Variants in TAFA1 observed in about 807,000 individuals in gnomAD.
TAFA1 encodes chemokine-like protein TAFA-1.
Under a neutral mutation model 18.5 loss-of-function variants are expected in TAFA1, and 4 were observed. The observed-to-expected ratio is 0.22, with a 90% CI of 0.11 to 0.49. The LOEUF (loss-of-function observed/expected upper bound fraction) is 0.49, where lower values mean the gene tolerates loss of function less well. Ranked by LOEUF, TAFA1 falls within the 20% of genes least tolerant of loss-of-function variation. The probability of loss-of-function intolerance (pLI) is 0.98; values close to 1 mark genes in which losing one functional copy is unlikely to be tolerated. For synonymous variants in TAFA1, 56 were observed against 55.2 expected (o/e 1.01, Z -0.06); for missense variants, 147 against 169.0 (o/e 0.87, Z 0.72).
chr3:68,124,172 T>C (rs996075166), intron 2 of TAFA1, among the ~76,000 whole-genome samples: 1 of 152,224 alleles, frequency 6.6e-6, no homozygotes, highest in Non-Finnish European at 1.5e-5. Flanking sequence ...AATGAAAGTT[T>C]TAAATGTGCT....
At chr3:68,033,663 G>C (rs191886729) in intron 2 of TAFA1, among the ~76,000 whole-genome samples, 106 of 152,270 alleles carry the variant, frequency 7.0e-4, no homozygotes, top group Non-Finnish European at 1.9e-4. Flanking sequence ...TTAAGGAATG[G>C]ATGGAATGAA....
At chr3:68,187,649 T>A (rs761524849) in intron 2 of TAFA1, among the ~76,000 whole-genome samples, 2 of 152,026 alleles carry the variant, frequency 1.3e-5, no homozygotes, top group African/African-American at 4.8e-5. Flanking sequence ...TGGGAGCATG[T>A]GTCATGCATT....
At chr3:68,427,877 TC>T (rs2071088040) in intron 3 of TAFA1, among the ~76,000 whole-genome samples, 1 of 151,892 alleles carries the variant, frequency 6.6e-6, no homozygotes, top group Non-Finnish European at 1.5e-5. Context: ...AAAGGGCAAT[TC>T]CCCTGCATAT....
At chr3:68,459,351 G>A (rs2071730389) in intron 3 of TAFA1, among the ~76,000 whole-genome samples, 2 of 152,136 alleles carry the variant, frequency 1.3e-5, no homozygotes, top group Non-Finnish European at 2.9e-5. Context: ...ATAACATTAA[G>A]AGCACTTGAA....
intron 3 of TAFA1, among the ~76,000 whole-genome samples, chr3:68,426,353 A>G (rs987331429): frequency 1.3e-5 from 2 of 151,868 alleles, no homozygotes; most frequent in African/African-American, 4.8e-5. Context: ...CTTACAGAAA[A>G]ATATTTGGGT....
intron 2 of TAFA1, among the ~76,000 whole-genome samples, chr3:68,042,130 T>G (rs1559714073): frequency 6.6e-6 from 1 of 152,186 alleles, no homozygotes. Flanking sequence ...CTTCATAGAC[T>G]CCTCACCCCT....
chr3:68,356,209 A>G (rs1008449742), intron 2 of TAFA1, among the ~76,000 whole-genome samples: 2 of 151,842 alleles, frequency 1.3e-5, no homozygotes, highest in Admixed American at 1.3e-4. Context: ...ACAATTTGAT[A>G]TACTGGGTGA....
At chr3:68,379,680 C>A (rs548463190) in intron 2 of TAFA1, among the ~76,000 whole-genome samples, 82 of 147,890 alleles carry the variant, frequency 5.5e-4, no homozygotes, top group African/African-American at 1.9e-3. Flanking sequence ...AGGGTTTTTA[C>A]AGTTTGGGTT....
intron 2 of TAFA1, among the ~76,000 whole-genome samples, chr3:68,395,644 A>G (rs1335244504): frequency 6.6e-6 from 1 of 152,246 alleles, no homozygotes; most frequent in Non-Finnish European, 1.5e-5. Context: ...GAATGAGTTT[A>G]TGTCCTTTGC....
chr3:68,100,841 G>A (rs549607611), intron 2 of TAFA1, among the ~76,000 whole-genome samples: 1 of 152,072 alleles, frequency 6.6e-6, no homozygotes, highest in Non-Finnish European at 1.5e-5. Context: ...TACCCATTAC[G>A]ATAGCACAAG....
At chr3:68,322,312 G>T (rs2068707499) in intron 2 of TAFA1, among the ~76,000 whole-genome samples, 1 of 152,178 alleles carries the variant, frequency 6.6e-6, no homozygotes. Flanking sequence ...TAAAATTAAT[G>T]CTTCTATAAG....
intron 3 of TAFA1, among the ~76,000 whole-genome samples, chr3:68,510,532 C>T (rs1468532668): frequency 6.6e-6 from 1 of 152,112 alleles, no homozygotes. Flanking sequence ...TCACATTTCC[C>T]AGTTGCATGT....
At chr3:68,270,619 G>A (rs2067646835) in intron 2 of TAFA1, among the ~76,000 whole-genome samples, 1 of 152,114 alleles carries the variant, frequency 6.6e-6, no homozygotes, top group Admixed American at 6.6e-5. Context: ...TATAACCTGG[G>A]TCTACCAAAA....
intron 3 of TAFA1, among the ~76,000 whole-genome samples, chr3:68,526,103 G>T (rs1349506498): frequency 6.6e-6 from 1 of 152,112 alleles, no homozygotes; most frequent in African/African-American, 2.4e-5. Flanking sequence ...CTCCTAGTTG[G>T]TATCAATTTG....
intron 1 of TAFA1, 37 bp from the exon 2 acceptor site, chr3:68,006,587 G>C: frequency 2.8e-6 from 4 of 1,452,620 alleles, no homozygotes; most frequent in Non-Finnish European, 3.9e-6. Context: ...GGGGCTTGAA[G>C]CCGGAGGTAA....
At chr3:68,325,488 A>T (rs1292767949) in intron 2 of TAFA1, among the ~76,000 whole-genome samples, 1 of 152,166 alleles carries the variant, frequency 6.6e-6, no homozygotes, top group Non-Finnish European at 1.5e-5. Context: ...GCATGAGATA[A>T]ATGCTCAGTG....
chr3:68,132,021 C>A (rs1364916879), intron 2 of TAFA1, among the ~76,000 whole-genome samples: 1 of 152,076 alleles, frequency 6.6e-6, no homozygotes, highest in African/African-American at 2.4e-5. Context: ...TAATGCTATC[C>A]CTCCTCTAGC....
At chr3:67,998,751 T>G in the TAFA1 span, among the ~76,000 whole-genome samples, 1 of 152,068 alleles carries the variant, frequency 6.6e-6, no homozygotes, top group Admixed American at 6.5e-5. Flanking sequence ...GCAGAGAGAG[T>G]TGGAAATAAG....
At chr3:68,477,510 G>C (rs541176166) in intron 3 of TAFA1, among the ~76,000 whole-genome samples, 3 of 152,230 alleles carry the variant, frequency 2.0e-5, no homozygotes, top group African/African-American at 7.2e-5. Context: ...AAGTAGCGGG[G>C]ATTATAGGCA....
Sources: allele counts gnomAD v4.1 joint callset (sites outside exome capture counted in the v4.1 genomes callset), GRCh38; gene constraint gnomAD v4.1.1; transcripts MANE v1.5; gene names NCBI Gene and HGNC (gene_info 2026-07-23, HGNC 2026-07-21).